Variants in CFAP47 observed in about 807,000 individuals in gnomAD.
The protein encoded by CFAP47 is cilia- and flagella-associated protein 47.
CFAP47 carries 29 observed loss-of-function variants against 148.1 expected under a neutral mutation model. The ratio of observed to expected loss-of-function variants is 0.20; its 90% CI spans 0.15 to 0.27. The LOEUF (loss-of-function observed/expected upper bound fraction) is 0.27, where lower values mean the gene tolerates loss of function less well. CFAP47 is among the 10% of genes least tolerant of loss of function. CFAP47 has a pLI of 1.00. For missense variants in CFAP47, 1,872 were observed against 1,697.5 expected (o/e 1.10, Z -1.81); for synonymous variants, 664 against 577.3 (o/e 1.15, Z -2.15).
chrX:36,131,851 A>G (rs746313163), intron 33 of CFAP47, among the ~76,000 whole-genome samples: 1 of 111,181 alleles, frequency 9.0e-6, no homozygotes, highest in East Asian at 2.8e-4. Flanking sequence ...GGTATGAGGG[A>G]AGAGAGAAAT....
At chrX:36,043,131 A>G (rs921166694) in intron 25 of CFAP47, among the ~76,000 whole-genome samples, 2 of 112,238 alleles carry the variant, frequency 1.8e-5, no homozygotes, top group African/African-American at 6.5e-5. Flanking sequence ...CACACAATTC[A>G]CAAAAATTCA....
intron 63 of CFAP47, among the ~76,000 whole-genome samples, chrX:36,380,957 T>C (rs1211462710): frequency 1.8e-5 from 2 of 112,061 alleles, no homozygotes; most frequent in East Asian, 2.8e-4. Flanking sequence ...CAATTAAAGA[T>C]TTTATGTGAG....
In CFAP47 at chrX:36,112,907, C is replaced by T. The variant is rs775953157; in HGVS notation, c.5320+8216C>T. 4.8e-4 allele frequency among the ~76,000 whole-genome samples: 54 copies of T among 111,836 alleles called. 2 individuals carry two copies. Among genetic ancestry groups the T allele is most frequent in the African/African-American group, 1.6e-3 (49 of 30,811 alleles). ...TTGGTTTTGTCTGAGATGTAGATTG[C>T]AACCCCTACTTTTATTTTTGTTTTC... is the stretch of plus-strand genomic sequence containing the variant. On this transcript the variant is annotated intron_variant, in intron 33 of 63. Coordinates refer to ENST00000378653, the MANE Select transcript of CFAP47 (RefSeq NM_001304548.2).
chrX:36,091,347 A>C (rs1385239184), intron 30 of CFAP47, among the ~76,000 whole-genome samples: 1 of 110,779 alleles, frequency 9.0e-6, no homozygotes, highest in Non-Finnish European at 1.9e-5. Context: ...TACACACTGA[A>C]ATTCTGTCTT....
At chrX:36,211,720 AGAT>A in intron 45 of CFAP47, 1 of 209,177 alleles carries the variant, frequency 4.8e-6, no homozygotes, top group Non-Finnish European at 9.2e-6. Context: ...AAGAAGATGA[AGAT>A]GATGATGATG....
intron 39 of CFAP47, among the ~76,000 whole-genome samples, chrX:36,165,497 T>C (rs1238652468): frequency 8.9e-6 from 1 of 111,852 alleles, no homozygotes; most frequent in Non-Finnish European, 1.9e-5. Flanking sequence ...GTTACTCTTA[T>C]ATAGCTCTAT....
At chrX:36,325,698 A>G (rs1193889793) in intron 57 of CFAP47, among the ~76,000 whole-genome samples, 3 of 110,799 alleles carry the variant, frequency 2.7e-5, no homozygotes, top group Admixed American at 1.9e-4. Flanking sequence ...AGTTGCCCCA[A>G]TTTGGGATGA....
intron 42 of CFAP47, among the ~76,000 whole-genome samples, chrX:36,195,579 G>C (rs1939911172): frequency 8.9e-6 from 1 of 111,738 alleles, no homozygotes; most frequent in South Asian, 3.7e-4. Flanking sequence ...GTAGATTACA[G>C]GTTGGAGAAA....
At chrX:35,980,935 G>A (rs1421706229) in intron 15 of CFAP47, among the ~76,000 whole-genome samples, 2 of 110,075 alleles carry the variant, frequency 1.8e-5, no homozygotes, top group Non-Finnish European at 3.8e-5. Flanking sequence ...ATATATGCGT[G>A]TATATATATG....
Position 35,924,069 on chromosome X carries a change from A to G in CFAP47, c.250-1948A>G, listed in dbSNP as rs180928063. ...TATATGTACATGTATGCGCACATAT[A>G]TGTATATATGTACATGTATGCGTAC... On this transcript the variant is annotated intron_variant, in intron 1 of 63. Transcript: ENST00000378653. Among the ~76,000 whole-genome samples, 13 of 97,463 alleles carry G rather than the reference A, an allele frequency of 1.3e-4. 1 individual carries two copies. The highest frequency in any genetic ancestry group is 4.0e-4 in the African/African-American group (10 of 25,236). 84.6% of individuals were successfully genotyped at this position (97,463 alleles called of 115,157 possible).
In CFAP47 at chrX:36,272,095, T is replaced by A. The variant is rs931534411; in HGVS notation, c.7445-8392T>A. On this transcript the variant is annotated intron_variant, in intron 49 of 63. Transcript: ENST00000378653. Reference sequence around the variant, plus strand: ...AGTTAAAGTTGAGCAAACTTTGTACTTGATGAGTGCCAAAACTGTCACACC... The same window carrying A: ...AGTTAAAGTTGAGCAAACTTTGTACATGATGAGTGCCAAAACTGTCACACC... Among the ~76,000 whole-genome samples, 35 of 112,001 alleles carry A rather than the reference T, an allele frequency of 3.1e-4. No homozygotes were observed. The Middle Eastern group carries it at 0.014, about 44-fold the overall frequency.
intron 35 of CFAP47, among the ~76,000 whole-genome samples, chrX:36,141,735 A>T (rs1332364829): frequency 8.9e-6 from 1 of 112,324 alleles, no homozygotes; most frequent in African/African-American, 3.2e-5. Flanking sequence ...GATTATAAGG[A>T]TAATTGTTCA....
chrX:35,971,442 T>C, intron 11 of CFAP47, 144 bp from the exon 12 acceptor site: 1 of 390,758 alleles, frequency 2.6e-6, no homozygotes, highest in East Asian at 4.1e-5. Context: ...AGGACAATTT[T>C]ATGTGGATTA....
At chrX:36,131,142 A>G (rs1480034491) in intron 33 of CFAP47, among the ~76,000 whole-genome samples, 4 of 111,174 alleles carry the variant, frequency 3.6e-5, no homozygotes, top group Admixed American at 9.6e-5. Flanking sequence ...CTTATTTCAC[A>G]TTGAATGCCT....
chrX:36,352,188 C>T (rs1480064007), intron 59 of CFAP47, among the ~76,000 whole-genome samples: 2 of 110,848 alleles, frequency 1.8e-5, no homozygotes, highest in African/African-American at 3.3e-5. Flanking sequence ...TTCCTAAGGA[C>T]CTCTAGGACA....
chrX:36,184,995 A>G (rs960347473), intron 40 of CFAP47, among the ~76,000 whole-genome samples: 1 of 111,494 alleles, frequency 9.0e-6, no homozygotes, highest in East Asian at 2.8e-4. Flanking sequence ...ATTTCTTTTT[A>G]CTATGCTGAA....
At chrX:35,976,872 G>A (rs749261432) in intron 15 of CFAP47, among the ~76,000 whole-genome samples, 1 of 111,502 alleles carries the variant, frequency 9.0e-6, no homozygotes, top group African/African-American at 3.3e-5. Context: ...CCCTGTATTT[G>A]TGAAGCATCC....
At chrX:36,166,488 G>C (rs1264251566) in intron 39 of CFAP47, among the ~76,000 whole-genome samples, 1 of 110,100 alleles carries the variant, frequency 9.1e-6, no homozygotes, top group Admixed American at 9.7e-5. Flanking sequence ...TTCTCTATTT[G>C]ATGCCACATT....
chrX:36,079,860 T>C (rs907845029), intron 29 of CFAP47, among the ~76,000 whole-genome samples: 2 of 111,817 alleles, frequency 1.8e-5, no homozygotes, highest in Non-Finnish European at 3.8e-5. Flanking sequence ...ATTCAGGACA[T>C]AGGCATGGGC....
Sources: allele counts gnomAD v4.1 joint callset (sites outside exome capture counted in the v4.1 genomes callset), GRCh38; gene constraint gnomAD v4.1.1; transcripts MANE v1.5; gene names NCBI Gene and HGNC (gene_info 2026-07-23, HGNC 2026-07-21).